TLE4: variants seen among roughly 807,000 people sequenced by gnomAD.
TLE4 encodes the protein TLE family member 4, transcriptional corepressor, also known as transducin-like enhancer protein 4.
TLE4 carries 8 observed loss-of-function variants against 92.8 expected under a neutral mutation model. The ratio of observed to expected loss-of-function variants is 0.09; its 90% confidence interval spans 0.05 to 0.16. The LOEUF (loss-of-function observed/expected upper bound fraction) is 0.16, where lower values mean the gene tolerates loss of function less well. Among genes scored for constraint, TLE4 ranks in the 10% least tolerant of loss-of-function variants. The pLI, the probability that TLE4 is intolerant of heterozygous loss-of-function variation, is 1.00. For synonymous variants in TLE4, 371 were observed against 374.1 expected (o/e 0.99, Z 0.10); for missense variants, 675 against 997.6 (o/e 0.68, Z 4.36).
chr9:79,619,303 A>G (rs2050393335), intron 5 of TLE4, among the ~76,000 whole-genome samples: 1 of 152,218 alleles, frequency 6.6e-6, no homozygotes, highest in South Asian at 2.1e-4. Flanking sequence ...ATATGAGTAT[A>G]TCTCAGATGC....
intron 5 of TLE4, 79 bp downstream of exon 5, chr9:79,612,797 T>A: frequency 8.3e-7 from 1 of 1,204,600 alleles, no homozygotes; most frequent in Non-Finnish European, 1.2e-6. Context: ...TAGAACTGAC[T>A]CTCTGGCCTT....
At chr9:79,647,078 G>A (rs2058217322) in intron 6 of TLE4, among the ~76,000 whole-genome samples, 1 of 152,168 alleles carries the variant, frequency 6.6e-6, no homozygotes, top group African/African-American at 2.4e-5. Flanking sequence ...AACGTTGTAT[G>A]CTGGTTTGGA....
At chr9:79,718,426 G>A (rs1199844007) in intron 14 of TLE4, among the ~76,000 whole-genome samples, 4 of 152,156 alleles carry the variant, frequency 2.6e-5, no homozygotes, top group Admixed American at 2.6e-4. Flanking sequence ...ATTCTGTGAG[G>A]TATAGGTAGT....
intron 4 of TLE4, among the ~76,000 whole-genome samples, chr9:79,609,751 C>A (rs979150269): frequency 6.6e-6 from 1 of 151,982 alleles, no homozygotes; most frequent in African/African-American, 2.4e-5. Flanking sequence ...TATCTAGTAA[C>A]CCTAACAGCA....
At chr9:79,664,496 G>T (rs932575865) in intron 8 of TLE4, among the ~76,000 whole-genome samples, 4 of 152,166 alleles carry the variant, frequency 2.6e-5, no homozygotes, top group Admixed American at 1.3e-4. Context: ...TCCTGAATTG[G>T]ATGCGTAGGC....
At chr9:79,662,927 C>T (rs1047233142) in intron 8 of TLE4, among the ~76,000 whole-genome samples, 1 of 152,148 alleles carries the variant, frequency 6.6e-6, no homozygotes. Flanking sequence ...ATTCCAGATC[C>T]TCCCTCGCCC....
intron 4 of TLE4, among the ~76,000 whole-genome samples, chr9:79,603,266 T>G (rs1780505476): frequency 6.6e-6 from 1 of 152,140 alleles, no homozygotes; most frequent in African/African-American, 2.4e-5. Context: ...TAAAATGCTG[T>G]CAAACAGCAT....
At chr9:79,663,312 G>A (rs1455751831) in intron 8 of TLE4, 2 of 152,086 alleles carry the variant, frequency 1.3e-5, no homozygotes, top group African/African-American at 4.8e-5. Flanking sequence ...TGTCCAATAT[G>A]GTGTAGCCAC....
At chr9:79,707,492 TA>T (rs1484901924) in intron 11 of TLE4, among the ~76,000 whole-genome samples, 1 of 152,162 alleles carries the variant, frequency 6.6e-6, no homozygotes, top group Non-Finnish European at 1.5e-5. Flanking sequence ...CCTTGTAACA[TA>T]ACATTTAAAA....
chr9:79,589,052 T>A (rs1276511176), intron 4 of TLE4, among the ~76,000 whole-genome samples: 1 of 152,218 alleles, frequency 6.6e-6, no homozygotes, highest in Admixed American at 6.5e-5. Flanking sequence ...GAGTCTGGGA[T>A]GCTGCTGAAC....
chr9:79,622,809 C>T (rs2051362250), intron 5 of TLE4, among the ~76,000 whole-genome samples: 1 of 152,122 alleles, frequency 6.6e-6, no homozygotes, highest in Non-Finnish European at 1.5e-5. Context: ...TGGCCATTTC[C>T]TCCTAAAACT....
At chr9:79,700,338 A>T (rs1318231425) in intron 8 of TLE4, among the ~76,000 whole-genome samples, 3 of 152,230 alleles carry the variant, frequency 2.0e-5, no homozygotes, top group African/African-American at 4.8e-5. Flanking sequence ...AATTATAACA[A>T]CAGCATCTTC....
intron 5 of TLE4, among the ~76,000 whole-genome samples, chr9:79,618,110 C>T (rs2050086445): frequency 1.3e-5 from 2 of 152,184 alleles, no homozygotes; most frequent in African/African-American, 4.8e-5. Context: ...GAAATGTAGT[C>T]TTAGCTGAGT....
Position 79,573,706 on chromosome 9 carries a change from T to C in TLE4, c.63T>C (p.Ala21=), listed in dbSNP as rs559843661. Residue 21 remains alanine (A), a synonymous_variant, in exon 2 of 20, where the codon GCT becomes GCC. Coordinates refer to ENST00000376552, the MANE Select transcript of TLE4 (RefSeq NM_007005.6). ...QTRHPAPHQP[A]QPFKFTISES... is the part of the protein sequence containing the mutation. ...TTCTTCAGGCACCGCATCAGCCTGC[T>C]CAACCCTTTAAATTTACAATTTCCG... 71 of 1,607,024 alleles carry C rather than the reference T, an allele frequency of 4.4e-5. No homozygotes were observed. Among genetic ancestry groups the C allele is most frequent in the Non-Finnish European group, 5.8e-5 (68 of 1,174,904 alleles).
At chr9:79,606,292 T>C (rs2046930339) in intron 4 of TLE4, among the ~76,000 whole-genome samples, 2 of 139,512 alleles carry the variant, frequency 1.4e-5, no homozygotes, top group African/African-American at 2.6e-5. Flanking sequence ...ATACTGACGA[T>C]ACCTTTGGTC....
At chr9:79,724,541 C>T (rs1346259216) in intron 19 of TLE4, among the ~76,000 whole-genome samples, 1 of 152,038 alleles carries the variant, frequency 6.6e-6, no homozygotes, top group Non-Finnish European at 1.5e-5. Context: ...ATCCGATCCA[C>T]CTCTGCCATT....
chr9:79,707,167 T>C (rs747451650), intron 11 of TLE4: 2 of 1,612,984 alleles, frequency 1.2e-6, no homozygotes, highest in South Asian at 2.2e-5. Flanking sequence ...TTAGCGAAGA[T>C]GAACAATGCA....
chr9:79,682,755 A>G (rs926758432), intron 8 of TLE4, among the ~76,000 whole-genome samples: 4 of 152,206 alleles, frequency 2.6e-5, no homozygotes, highest in Non-Finnish European at 4.4e-5. Context: ...ATGCTCAAGC[A>G]TCTCAGGGTG....
chr9:79,577,610 G>A (rs2038269799), intron 4 of TLE4, among the ~76,000 whole-genome samples: 1 of 152,178 alleles, frequency 6.6e-6, no homozygotes, highest in Admixed American at 6.5e-5. Context: ...TTACATGAGA[G>A]ATATTGTTTG....
Sources: allele counts gnomAD v4.1 joint callset (sites outside exome capture counted in the v4.1 genomes callset), GRCh38; gene constraint gnomAD v4.1.1; transcripts MANE v1.5; gene names NCBI Gene and HGNC (gene_info 2026-07-23, HGNC 2026-07-21).